PATL2: variants seen among roughly 807,000 people sequenced by gnomAD.
The protein encoded by PATL2 is protein PAT1 homolog 2.
In PATL2, 73 loss-of-function variants were observed where a neutral mutation model predicts 77.0. The ratio of observed to expected loss-of-function variants is 0.95; its 90% CI spans 0.78 to 1.15. The LOEUF is 1.15. PATL2 is among the 50% of genes most tolerant of loss of function. The probability of loss-of-function intolerance (pLI) is 0.00; values close to 1 mark genes in which losing one functional copy is unlikely to be tolerated. For synonymous variants in PATL2, 265 were observed against 257.1 expected (o/e 1.03, Z -0.29); for missense variants, 618 against 655.4 (o/e 0.94, Z 0.62).
intron 3 of PATL2, among the ~76,000 whole-genome samples, chr15:44,684,541 T>C (rs1481380279): frequency 6.6e-6 from 1 of 150,586 alleles, no homozygotes; most frequent in East Asian, 2.0e-4. Context: ...ACGACAAGAT[T>C]AGAAAAAAAA....
intron 3 of PATL2, among the ~76,000 whole-genome samples, chr15:44,688,260 A>T (rs201334253): frequency 5.6e-4 from 84 of 150,346 alleles, no homozygotes; most frequent in African/African-American, 2.0e-3. Context: ...AAAAAAAAAA[A>T]AACTAGCTAA....
In PATL2 at chr15:44,672,006, G is replaced by C. The variant is rs765021267; in HGVS notation, c.657+9C>G. ...GGTCAGAGGCTGGGCTGAGTACTGCGGGGCTCACCTGGTAATAGTAGTCAT... is the reference window on the plus strand; with the variant it reads ...GGTCAGAGGCTGGGCTGAGTACTGCCGGGCTCACCTGGTAATAGTAGTCAT... On this transcript the variant is annotated intron_variant, in intron 9 of 17. Transcript: ENST00000682850. 1.3e-6 allele frequency: 2 copies of C among 1,551,492 alleles called. No homozygotes were observed. Among genetic ancestry groups the C allele is most frequent in the African/African-American group, 2.7e-5 (2 of 73,042 alleles).
intron 3 of PATL2, among the ~76,000 whole-genome samples, chr15:44,708,670 A>G (rs569432420): frequency 5.3e-5 from 8 of 152,332 alleles, no homozygotes; most frequent in Admixed American, 6.5e-5. Context: ...ATTTCATTGT[A>G]TGGATATATA....
chr15:44,707,669 A>C (rs755464937), intron 3 of PATL2, among the ~76,000 whole-genome samples: 1 of 151,972 alleles, frequency 6.6e-6, no homozygotes, highest in Non-Finnish European at 1.5e-5. Flanking sequence ...TCTCTCTCTG[A>C]GCTTTGAGCT....
intron 3 of PATL2, among the ~76,000 whole-genome samples, chr15:44,678,024 T>A (rs28439312): frequency 0.012 from 1,770 of 151,084 alleles, 42 homozygotes; most frequent in African/African-American, 0.04. Flanking sequence ...ATATATATAT[T>A]TTTTTTCAGT....
At chr15:44,686,454 T>C (rs753892819) in intron 3 of PATL2, among the ~76,000 whole-genome samples, 9 of 151,998 alleles carry the variant, frequency 5.9e-5, no homozygotes, top group Non-Finnish European at 1.2e-4. Context: ...CAAGAGGAAG[T>C]AGGAAAGATC....
chr15:44,692,355 G>A (rs2086410678), intron 3 of PATL2, among the ~76,000 whole-genome samples: 1 of 151,994 alleles, frequency 6.6e-6, no homozygotes, highest in South Asian at 2.1e-4. Flanking sequence ...TGTGGATAAG[G>A]TTTGTAAAAT....
Position 44,669,329 on chromosome 15 carries a change from C to T in PATL2, c.1015G>A (p.Val339Ile). 6.4e-7 allele frequency: 1 copy of T among 1,551,654 alleles called. No homozygotes were observed. The highest frequency in any genetic ancestry group is 8.7e-7 in the Non-Finnish European group (1 of 1,146,952). Residue 339 changes from valine (V) to isoleucine (I), a missense_variant, in exon 13 of 18, where the codon GTT (valine) becomes ATT (isoleucine). Val to Ile is a conservative substitution (Grantham distance 29). Coordinates refer to ENST00000682850, the MANE Select transcript of PATL2 (RefSeq NM_001387263.1). ...PCFSEQQSNQVEKLFQTLKTQ... is the reference protein window; with the variant it reads ...PCFSEQQSNQIEKLFQTLKTQ... ...TTTAAGGTCTGGAAGAGCTTCTCAA[C>T]CTGGTTGCTTTGCTGCTCAGAAAAG...
chr15:44,681,911 T>C (rs948974989), intron 3 of PATL2, among the ~76,000 whole-genome samples: 1 of 152,210 alleles, frequency 6.6e-6, no homozygotes, highest in African/African-American at 2.4e-5. Context: ...CCTTCTAGAT[T>C]GAGTTTCAGA....
intron 3 of PATL2, among the ~76,000 whole-genome samples, chr15:44,687,384 C>T (rs890704476): frequency 6.6e-6 from 1 of 152,132 alleles, no homozygotes; most frequent in African/African-American, 2.4e-5. Context: ...TCTCAATAAA[C>T]TAGGTATTGA....
chr15:44,703,060 G>A (rs2086661939), intron 3 of PATL2, among the ~76,000 whole-genome samples: 1 of 152,036 alleles, frequency 6.6e-6, no homozygotes, highest in African/African-American at 2.4e-5. Flanking sequence ...TGGATCACAA[G>A]GTCAGGAGAT....
intron 11 of PATL2, 88 bp downstream of exon 11, chr15:44,669,688 CT>C: frequency 6.6e-7 from 1 of 1,510,936 alleles, no homozygotes; most frequent in Non-Finnish European, 9.0e-7. Flanking sequence ...CTTCTTCCTC[CT>C]TCTTCGGTCA....
intron 3 of PATL2, among the ~76,000 whole-genome samples, chr15:44,689,136 G>A (rs970717901): frequency 3.3e-5 from 5 of 152,226 alleles, no homozygotes; most frequent in African/African-American, 1.2e-4. Flanking sequence ...GGTCATTAGA[G>A]AAATGCAAAT....
chr15:44,679,683 C>T (rs1010002644), intron 3 of PATL2, among the ~76,000 whole-genome samples: 4 of 151,586 alleles, frequency 2.6e-5, no homozygotes, highest in African/African-American at 4.8e-5. Flanking sequence ...TGAGCCACTG[C>T]GTCCGGCCCT....
chr15:44,708,994 G>C (rs1422518933), intron 3 of PATL2, among the ~76,000 whole-genome samples: 3 of 152,168 alleles, frequency 2.0e-5, no homozygotes, highest in Admixed American at 6.5e-5. Context: ...TGCCTCCCAG[G>C]TTCAAGCAAT....
chr15:44,680,281 A>G (rs1456418374), intron 3 of PATL2, among the ~76,000 whole-genome samples: 1 of 152,068 alleles, frequency 6.6e-6, no homozygotes, highest in Non-Finnish European at 1.5e-5. Flanking sequence ...CTGTTCTTTA[A>G]TTTGTCCTTG....
intron 14 of PATL2, among the ~76,000 whole-genome samples, chr15:44,668,715 C>A (rs957376073): frequency 6.6e-6 from 1 of 152,156 alleles, no homozygotes; most frequent in African/African-American, 2.4e-5. Context: ...TTTATCAGGG[C>A]GTCCTAATCT....
chr15:44,667,466 TAGG>T (rs1266924652), intron 15 of PATL2, among the ~76,000 whole-genome samples: 1 of 151,962 alleles, frequency 6.6e-6, no homozygotes, highest in Admixed American at 6.6e-5. Context: ...CTCCTAGGAG[TAGG>T]AGATCGGGAA....
At chr15:44,671,256 A>G (rs2141185939) in intron 9 of PATL2, among the ~76,000 whole-genome samples, 1 of 152,312 alleles carries the variant, frequency 6.6e-6, no homozygotes, top group South Asian at 2.1e-4. Flanking sequence ...TGGGAGGCCG[A>G]GGCGGGTGGA....
Sources: allele counts gnomAD v4.1 joint callset (sites outside exome capture counted in the v4.1 genomes callset), GRCh38; gene constraint gnomAD v4.1.1; transcripts MANE v1.5; gene names NCBI Gene and HGNC (gene_info 2026-07-23, HGNC 2026-07-21).